Variants in ZNF804B observed in about 807,000 individuals in gnomAD.
ZNF804B encodes zinc finger 804B.
Under a neutral mutation model 101.4 loss-of-function variants are expected in ZNF804B, and 80 were observed. The ratio of observed to expected loss-of-function variants is 0.79; its 90% confidence interval spans 0.66 to 0.95. The LOEUF is 0.95. Among genes scored for constraint, ZNF804B ranks in the 40% least tolerant of loss-of-function variants. The pLI, the probability that ZNF804B is intolerant of heterozygous loss-of-function variation, is 0.00. For synonymous variants in ZNF804B, 622 were observed against 558.8 expected (o/e 1.11, Z -1.59); for missense variants, 1,673 against 1,561.9 (o/e 1.07, Z -1.20).
intron 2 of ZNF804B, among the ~76,000 whole-genome samples, chr7:89,277,866 G>C (rs1301012424): frequency 1.3e-5 from 2 of 152,194 alleles, no homozygotes; most frequent in Admixed American, 6.5e-5. Context: ...TATATACCCA[G>C]TAATGGGATG....
rs1054980794 is a variant in ZNF804B, at chr7:88,795,763, C to T, written c.108+35679C>T. The T allele has an allele frequency of 5.3e-5, 8 of 152,076 alleles. No individual in the cohort carries two copies. In the South Asian group the frequency reaches 6.2e-4, roughly 12 times the overall value. 9.4% of individuals were successfully genotyped at this position (152,076 alleles called of 1,614,324 possible). A position where few individuals can be genotyped will look rare whatever the true frequency, so the allele number is the denominator to read the frequency against. ...AGCTGTCCTGTGTTCTGCCTTCCCT[C>T]GGGCATACGTGAGTCAGAATGTCAG... On this transcript the variant is annotated intron_variant, in intron 1 of 3. Coordinates refer to ENST00000333190, the MANE Select transcript of ZNF804B (RefSeq NM_181646.5).
At chr7:89,036,878 A>T (rs1788938052) in intron 1 of ZNF804B, among the ~76,000 whole-genome samples, 1 of 152,108 alleles carries the variant, frequency 6.6e-6, no homozygotes, top group Non-Finnish European at 1.5e-5. Context: ...TGTATGCTTA[A>T]ATTGTCAGAC....
chr7:88,848,575 T>G (rs552393472), intron 1 of ZNF804B, among the ~76,000 whole-genome samples: 1 of 152,046 alleles, frequency 6.6e-6, no homozygotes, highest in South Asian at 2.1e-4. Context: ...CTGAAATGAT[T>G]GTAAAGTATA....
chr7:88,854,414 CCTTTCTTTCTTTCTTT>C (rs71120039), intron 1 of ZNF804B, among the ~76,000 whole-genome samples: 7 of 57,112 alleles, frequency 1.2e-4, no homozygotes, highest in Admixed American at 2.0e-4. Flanking sequence ...TTTCTTTCTT[CCTTTCTTTCTTTCTTT>C]CTTTCTTTCT....
chr7:89,127,220 A>T lies in ZNF804B; in HGVS notation c.109-90935A>T, dbSNP rs140483596. 2.0e-3 allele frequency among the ~76,000 whole-genome samples: 299 copies of T among 152,086 alleles called. 7 individuals carry two copies. The highest frequency in any genetic ancestry group is 0.018 in the Admixed American group (275 of 15,244). On this transcript the variant is annotated intron_variant, in intron 1 of 3. Coordinates refer to ENST00000333190, the MANE Select transcript of ZNF804B (RefSeq NM_181646.5). ...ATAAATATCGATATTGATGTTCAAG[A>T]TATTTCTAAAAATTCAGAAATCAGC...
At chr7:89,063,162 C>T (rs1461360215) in intron 1 of ZNF804B, among the ~76,000 whole-genome samples, 1 of 152,012 alleles carries the variant, frequency 6.6e-6, no homozygotes, top group East Asian at 1.9e-4. Flanking sequence ...GAAGTATCCT[C>T]CCCAATTAGA....
intron 1 of ZNF804B, among the ~76,000 whole-genome samples, chr7:88,760,597 A>G (rs1440167854): frequency 1.3e-5 from 2 of 152,190 alleles, no homozygotes; most frequent in Non-Finnish European, 2.9e-5. Flanking sequence ...AACTATGCAC[A>G]TTCTTTAAGG....
chr7:89,064,135 C>T (rs1042281580), intron 1 of ZNF804B, among the ~76,000 whole-genome samples: 1 of 152,052 alleles, frequency 6.6e-6, no homozygotes, highest in Non-Finnish European at 1.5e-5. Flanking sequence ...TTGGCAGACC[C>T]TCCGTGGAGC....
intron 2 of ZNF804B, among the ~76,000 whole-genome samples, chr7:89,257,916 T>A (rs1789659247): frequency 6.6e-6 from 1 of 152,072 alleles, no homozygotes; most frequent in African/African-American, 2.4e-5. Context: ...AAGTTTTACA[T>A]GTTTTCAGGT....
At position 88,808,626 on chromosome 7, in the gene ZNF804B, C is replaced by T. The variant is rs116151451; in HGVS notation, c.108+48542C>T. Among the ~76,000 whole-genome samples the T allele has an allele frequency of 7.1e-3, 1,080 of 152,116 alleles. 12 individuals are homozygous for T. Among genetic ancestry groups the T allele is most frequent in the African/African-American group, 0.024 (1,015 of 41,502 alleles). ...GGATATACAAATATTTGTCAGTAGA[C>T]ATTAGACATTGTGATTAAAAGCTGT... On this transcript the variant is annotated intron_variant, in intron 1 of 3. Coordinates refer to ENST00000333190, the MANE Select transcript of ZNF804B (RefSeq NM_181646.5).
chr7:89,228,472 A>G (rs1483063560), intron 2 of ZNF804B, among the ~76,000 whole-genome samples: 1 of 151,862 alleles, frequency 6.6e-6, no homozygotes, highest in Non-Finnish European at 1.5e-5. Flanking sequence ...TCCCCACCAG[A>G]GTAGCTAGAT....
At chr7:89,036,936 A>C (rs1439186949) in intron 1 of ZNF804B, among the ~76,000 whole-genome samples, 1 of 152,120 alleles carries the variant, frequency 6.6e-6, no homozygotes, top group Admixed American at 6.6e-5. Context: ...TGGAAATCAA[A>C]ATTGGTTCTT....
chr7:89,330,075 C>T (rs1584128733), intron 3 of ZNF804B, among the ~76,000 whole-genome samples: 1 of 151,698 alleles, frequency 6.6e-6, no homozygotes, highest in Middle Eastern at 3.4e-3. Context: ...ACTCTACAGA[C>T]ACTTTATTAA....
At chr7:88,800,692 TTGTGTGTG>T (rs6150209) in intron 1 of ZNF804B, among the ~76,000 whole-genome samples, 13,916 of 146,614 alleles carry the variant, frequency 0.095, 774 homozygotes, top group African/African-American at 0.16. Context: ...TAGATATGAT[TTGTGTGTG>T]TGTGTGTGTG....
chr7:88,807,623 G>C (rs1237977959), intron 1 of ZNF804B, among the ~76,000 whole-genome samples: 1 of 151,942 alleles, frequency 6.6e-6, no homozygotes, highest in Non-Finnish European at 1.5e-5. Flanking sequence ...CCTGGTGCTG[G>C]GTGCCAGTGT....
chr7:89,049,484 A>G (rs991033822), intron 1 of ZNF804B, among the ~76,000 whole-genome samples: 1 of 152,160 alleles, frequency 6.6e-6, no homozygotes, highest in Non-Finnish European at 1.5e-5. Context: ...GAATACTTAC[A>G]CCACAGAAAC....
At chr7:88,794,772 T>C (rs1562795508) in intron 1 of ZNF804B, 2 of 1,613,578 alleles carry the variant, frequency 1.2e-6, no homozygotes, top group African/African-American at 1.3e-5. Context: ...CTACATTTGC[T>C]TGTATCTTGG....
In ZNF804B at chr7:88,927,978, A is replaced by G. The variant is rs1288203518; in HGVS notation, c.108+167894A>G. Among the ~76,000 whole-genome samples the G allele has an allele frequency of 7.9e-5, 12 of 152,088 alleles. No homozygotes were observed. The East Asian group carries it at 9.7e-4, about 12-fold the overall frequency. ...CAGTTTATCCATGAGTCTATCCCCAATATCTCCTACCAAACCTCATCAGCA... is the reference window on the plus strand; with the variant it reads ...CAGTTTATCCATGAGTCTATCCCCAGTATCTCCTACCAAACCTCATCAGCA... On this transcript the variant is annotated intron_variant, in intron 1 of 3. Transcript: ENST00000333190.
intron 3 of ZNF804B, among the ~76,000 whole-genome samples, chr7:89,329,976 T>C (rs1256009475): frequency 6.6e-6 from 1 of 151,692 alleles, no homozygotes; most frequent in Admixed American, 6.6e-5. Flanking sequence ...CAGGAGAGAA[T>C]CAAAATGTGC....
Sources: gnomAD v4.1 joint callset for allele counts (sites outside exome capture counted in the v4.1 genomes callset) on GRCh38, gnomAD v4.1.1 for gene constraint, MANE v1.5 for transcripts, NCBI Gene and HGNC (gene_info 2026-07-23, HGNC 2026-07-21) for gene names.